ATP10B: variants seen among roughly 807,000 people sequenced by gnomAD.
The protein encoded by ATP10B is phospholipid-transporting ATPase VB.
Under a neutral mutation model 141.2 loss-of-function variants are expected in ATP10B, and 122 were observed. The observed-to-expected ratio is 0.86, with a 90% CI of 0.75 to 1.00. ATP10B has a LOEUF of 1.00. Among genes scored for constraint, ATP10B ranks in the 50% least tolerant of loss-of-function variants. ATP10B has a pLI of 0.00. For synonymous variants in ATP10B, 685 were observed against 692.0 expected (o/e 0.99, Z 0.16); for missense variants, 1,876 against 1,825.3 (o/e 1.03, Z -0.51).
At chr5:160,916,646 A>G in the ATP10B span, among the ~76,000 whole-genome samples, 2 of 152,206 alleles carry the variant, frequency 1.3e-5, no homozygotes, top group African/African-American at 2.4e-5. Flanking sequence ...AGGAAATGAA[A>G]AGAGATTAAG....
intron 1 of ATP10B, among the ~76,000 whole-genome samples, chr5:160,812,281 T>TC (rs1426356688): frequency 1.3e-5 from 2 of 152,106 alleles, no homozygotes; most frequent in Non-Finnish European, 2.9e-5. Context: ...TGAAAGGCCT[T>TC]CCCAAGGAGG....
chr5:160,884,207 G>A, the ATP10B span, among the ~76,000 whole-genome samples: 5 of 152,128 alleles, frequency 3.3e-5, no homozygotes, highest in Non-Finnish European at 7.4e-5. Context: ...ACAGTCTTTT[G>A]TGAATTACAA....
At chr5:160,723,158 C>T (rs1766097102) in intron 2 of ATP10B, among the ~76,000 whole-genome samples, 1 of 152,092 alleles carries the variant, frequency 6.6e-6, no homozygotes, top group Non-Finnish European at 1.5e-5. Flanking sequence ...GAGAGATGTC[C>T]TGGAAAATCT....
chr5:160,653,816 ATATAGACG>A (rs1761215862), intron 7 of ATP10B, among the ~76,000 whole-genome samples: 1 of 127,696 alleles, frequency 7.8e-6, no homozygotes, highest in Non-Finnish European at 1.5e-5. Flanking sequence ...CATATATATT[ATATAGACG>A]TATATACATA....
chr5:160,910,762 A>T, the ATP10B span, among the ~76,000 whole-genome samples: 2 of 152,216 alleles, frequency 1.3e-5, no homozygotes, highest in African/African-American at 4.8e-5. Flanking sequence ...ATCAATGATT[A>T]AAAAAGTACA....
At chr5:160,925,616 A>G in the ATP10B span, among the ~76,000 whole-genome samples, 7 of 152,234 alleles carry the variant, frequency 4.6e-5, no homozygotes, top group Non-Finnish European at 7.3e-5. Flanking sequence ...TGCTTATGTT[A>G]TTAATTCCTC....
intron 7 of ATP10B, among the ~76,000 whole-genome samples, chr5:160,669,803 T>C (rs1427671435): frequency 6.6e-6 from 1 of 150,812 alleles, no homozygotes; most frequent in Non-Finnish European, 1.5e-5. Flanking sequence ...GGTTTCACCA[T>C]GTTGGCCAGG....
chr5:160,911,528 T>C, the ATP10B span, among the ~76,000 whole-genome samples: 1 of 152,190 alleles, frequency 6.6e-6, no homozygotes, highest in South Asian at 2.1e-4. Flanking sequence ...CTCAAGGTCA[T>C]TTCTAATCCT....
chr5:160,825,386 G>GAC (rs1273834605), intron 1 of ATP10B, among the ~76,000 whole-genome samples: 4 of 152,142 alleles, frequency 2.6e-5, no homozygotes, highest in Non-Finnish European at 4.4e-5. Context: ...AGTCTCACAA[G>GAC]ACCTGATGAT....
intron 21 of ATP10B, among the ~76,000 whole-genome samples, chr5:160,600,334 T>C (rs560959347): frequency 2.9e-4 from 44 of 152,334 alleles, no homozygotes; most frequent in Non-Finnish European, 5.1e-4. Flanking sequence ...AAGTTCTTTC[T>C]CTTTTTAACT....
At chr5:160,650,933 T>C (rs1051198620) in intron 7 of ATP10B, among the ~76,000 whole-genome samples, 1 of 152,184 alleles carries the variant, frequency 6.6e-6, no homozygotes, top group African/African-American at 2.4e-5. Context: ...AGGAGCAAAA[T>C]TGACCATATT....
intron 7 of ATP10B, among the ~76,000 whole-genome samples, chr5:160,659,541 C>T (rs1761764114): frequency 1.3e-5 from 2 of 151,922 alleles, no homozygotes. Flanking sequence ...GCAGAGTTTC[C>T]TCGTAAGGCT....
intron 18 of ATP10B, among the ~76,000 whole-genome samples, chr5:160,607,872 TCAA>T (rs1472317169): frequency 6.6e-6 from 1 of 152,236 alleles, no homozygotes; most frequent in African/African-American, 2.4e-5. Flanking sequence ...ATTCTTGATA[TCAA>T]CTTCTCTGAA....
the ATP10B span, among the ~76,000 whole-genome samples, chr5:160,899,249 G>A: frequency 2.6e-5 from 4 of 152,100 alleles, no homozygotes; most frequent in Non-Finnish European, 5.9e-5. Flanking sequence ...ACAGTTTTTA[G>A]TGGGTTATGA....
chr5:160,788,512 C>G (rs2127901296), intron 1 of ATP10B, among the ~76,000 whole-genome samples: 1 of 152,208 alleles, frequency 6.6e-6, no homozygotes, highest in East Asian at 1.9e-4. Flanking sequence ...TTTACTTTGG[C>G]TGTATCAAAA....
chr5:160,617,485 T>C (rs1200557400), intron 16 of ATP10B, among the ~76,000 whole-genome samples: 1 of 152,196 alleles, frequency 6.6e-6, no homozygotes. Context: ...TCTACATTTT[T>C]AAAAGAAACC....
intron 7 of ATP10B, among the ~76,000 whole-genome samples, chr5:160,655,971 C>T (rs1035779542): frequency 6.6e-6 from 1 of 152,124 alleles, no homozygotes; most frequent in African/African-American, 2.4e-5. Context: ...TAATCACTCC[C>T]CGGGGTTGAG....
the ATP10B span, among the ~76,000 whole-genome samples, chr5:160,860,798 T>C: frequency 2.6e-5 from 4 of 152,088 alleles, no homozygotes; most frequent in African/African-American, 7.2e-5. Context: ...CATTCAAACA[T>C]TGGGAGATTT....
rs2127780000 is a variant in ATP10B at position 160,719,134 on chromosome 5, C to T, written c.-330-2100G>A. On this transcript the variant is annotated intron_variant, in intron 2 of 25. Transcript: ENST00000327245. ...AAGTAATGGCGGCCGGGCACGGTGG[C>T]TCACGCCTGTAATCCCAGCACTTTG... Among the ~76,000 whole-genome samples the T allele has an allele frequency of 2.0e-5, 3 of 152,304 alleles. No homozygotes were observed. The South Asian group carries it at 6.2e-4, about 32-fold the overall frequency.
Sources: allele counts gnomAD v4.1 joint callset (sites outside exome capture counted in the v4.1 genomes callset), GRCh38; gene constraint gnomAD v4.1.1; transcripts MANE v1.5; gene names NCBI Gene and HGNC (gene_info 2026-07-23, HGNC 2026-07-21).